The following PIGU variants were observed in gnomAD, a reference collection of about 807,000 sequenced individuals.
PIGU encodes the protein GPI-anchor transamidase component PIGU.
Under a neutral mutation model 49.9 loss-of-function variants are expected in PIGU, and 24 were observed. The observed-to-expected ratio is 0.48, with a 90% CI of 0.35 to 0.68. The LOEUF (loss-of-function observed/expected upper bound fraction) is 0.68, where lower values mean the gene tolerates loss of function less well. PIGU is among the 30% of genes least tolerant of loss of function. The probability of loss-of-function intolerance (pLI) is 0.01; values close to 1 mark genes in which losing one functional copy is unlikely to be tolerated. For synonymous variants in PIGU, 220 were observed against 205.7 expected (o/e 1.07, Z -0.59); for missense variants, 490 against 532.6 (o/e 0.92, Z 0.79).
chr20:34,560,725 T>G lies in PIGU; in HGVS notation c.*141A>C. ...TGCTGTCAGTCAGCCATGGGTCCCT[T>G]TTGGTACCAGAGACTTGTGACCCTG... On this transcript the variant is annotated 3_prime_UTR_variant, in exon 12 of 12. Coordinates refer to ENST00000217446, the MANE Select transcript of PIGU (RefSeq NM_080476.5). 1 of 578,134 alleles carries G rather than the reference T, an allele frequency of 1.7e-6. No homozygotes were observed. The highest frequency in any genetic ancestry group is 2.9e-6 in the Non-Finnish European group (1 of 346,480). 35.8% of individuals were successfully genotyped at this position (578,134 alleles called of 1,614,324 possible).
intron 1 of PIGU, among the ~76,000 whole-genome samples, chr20:34,661,412 G>A (rs373855557): frequency 6.6e-6 from 1 of 152,022 alleles, no homozygotes; most frequent in Admixed American, 6.6e-5. Flanking sequence ...CTTTCTTTGT[G>A]TCCATGTGTA....
intron 6 of PIGU, among the ~76,000 whole-genome samples, chr20:34,626,135 A>G (rs1330313547): frequency 6.6e-6 from 1 of 151,892 alleles, no homozygotes; most frequent in Non-Finnish European, 1.5e-5. Context: ...AGTGATTATA[A>G]ATAATTCTGC....
chr20:34,584,504 CTTTTTTTT>C (rs5841174), intron 9 of PIGU, among the ~76,000 whole-genome samples: 4 of 66,410 alleles, frequency 6.0e-5, no homozygotes, highest in East Asian at 8.2e-4. Flanking sequence ...AACTCCTGTT[CTTTTTTTT>C]TTTTTTTTTT....
Position 34,575,128 on chromosome 20 carries a change from G to A in PIGU, c.1170C>T (p.Ile390=). 1 of 1,614,194 alleles carries A rather than the reference G, an allele frequency of 6.2e-7. No individual in the cohort carries two copies. The highest frequency in any genetic ancestry group is 8.5e-7 in the Non-Finnish European group (1 of 1,180,032). ...CCTGCCCAACGTTGAAGGTCAGTGT[G>A]ATGGCATAAAAGAAATTAGAGTTGG... ...GSANSNFFYA[I]TLTFNVGQIL... is the part of the protein sequence containing the mutation. The change falls in exon 11 of 12, where the codon ATC becomes ATT. Residue 390 remains isoleucine, a synonymous_variant. Transcript: ENST00000217446.
intron 7 of PIGU, among the ~76,000 whole-genome samples, chr20:34,601,366 T>C (rs1393091537): frequency 1.3e-5 from 2 of 152,200 alleles, no homozygotes; most frequent in African/African-American, 2.4e-5. Context: ...TTATAAAAAC[T>C]GAACTTGCAC....
At chr20:34,561,893 C>G (rs1422039560) in intron 11 of PIGU, among the ~76,000 whole-genome samples, 1 of 152,122 alleles carries the variant, frequency 6.6e-6, no homozygotes, top group Non-Finnish European at 1.5e-5. Flanking sequence ...AATCTCTACT[C>G]GATAACAGAC....
At chr20:34,602,846 C>T (rs1297047229) in intron 7 of PIGU, among the ~76,000 whole-genome samples, 2 of 152,054 alleles carry the variant, frequency 1.3e-5, no homozygotes, top group Non-Finnish European at 2.9e-5. Flanking sequence ...AACCACAATC[C>T]CCTCCTCCCT....
chr20:34,575,305 C>A, intron 10 of PIGU, 59 bp from the exon 11 acceptor site: 1 of 1,572,316 alleles, frequency 6.4e-7, no homozygotes. Context: ...GCTTTCCCTG[C>A]TGCAATGGCC....
chr20:34,642,654 T>TAC (rs1055579679), intron 4 of PIGU, among the ~76,000 whole-genome samples: 21 of 44,494 alleles, frequency 4.7e-4, no homozygotes, highest in African/African-American at 2.4e-3. Context: ...ATATATCTCA[T>TAC]ATATATATAT....
intron 7 of PIGU, among the ~76,000 whole-genome samples, chr20:34,607,783 G>A (rs1238440706): frequency 6.6e-6 from 1 of 152,074 alleles, no homozygotes; most frequent in African/African-American, 2.4e-5. Context: ...GCACAGAGTT[G>A]TGCACAGAGT....
intron 7 of PIGU, among the ~76,000 whole-genome samples, chr20:34,592,700 T>C (rs185701312): frequency 6.6e-6 from 1 of 152,166 alleles, no homozygotes; most frequent in East Asian, 1.9e-4. Flanking sequence ...CCAAATCCTA[T>C]AAAGGTCACA....
chr20:34,644,183 T>C lies in PIGU; in HGVS notation c.299A>G (p.Gln100Arg), dbSNP rs980837129. 4 of 1,611,068 alleles carry C rather than the reference T, an allele frequency of 2.5e-6. No homozygotes were observed. Among genetic ancestry groups the C allele is most frequent in the Non-Finnish European group, 3.4e-6 (4 of 1,177,454 alleles). The change falls in exon 4 of 12, where the codon CAG (glutamine) becomes CGG (arginine). Residue 100 changes from glutamine (Q) to arginine (R), a missense_variant. Gln to Arg is a conservative substitution (Grantham distance 43). Coordinates refer to ENST00000217446, the MANE Select transcript of PIGU (RefSeq NM_080476.5). ...ACTTACCACAACTTTATTGAAGTCC[T>C]GGATTGCAAAATACAGGGCAATAGC... The part of the protein sequence containing the change: ...LTAIALYFAI[Q>R]DFNKVVFKKQ...
chr20:34,615,937 C>T, intron 7 of PIGU, 105 bp downstream of exon 7: 2 of 1,433,198 alleles, frequency 1.4e-6, no homozygotes, highest in Admixed American at 3.1e-5. Flanking sequence ...TGGGAGCAAG[C>T]TTCCCACTGC....
intron 7 of PIGU, among the ~76,000 whole-genome samples, chr20:34,589,365 C>T (rs1011012059): frequency 1.3e-5 from 2 of 152,144 alleles, no homozygotes; most frequent in African/African-American, 4.8e-5. Context: ...ATCTGCTTTC[C>T]TTTGTTTGAG....
chr20:34,672,851 T>C (rs1248869708), intron 1 of PIGU, among the ~76,000 whole-genome samples: 6 of 111,818 alleles, frequency 5.4e-5, no homozygotes, highest in Admixed American at 4.1e-4. Context: ...TGGGACCCTG[T>C]CTCTCAAAAA....
chr20:34,612,129 T>G (rs1200527131), intron 7 of PIGU, among the ~76,000 whole-genome samples: 1 of 152,088 alleles, frequency 6.6e-6, no homozygotes, highest in Admixed American at 6.6e-5. Flanking sequence ...GCAATGAGAC[T>G]GGATAAAGAA....
At chr20:34,613,237 C>T (rs948037894) in intron 7 of PIGU, among the ~76,000 whole-genome samples, 1 of 152,130 alleles carries the variant, frequency 6.6e-6, no homozygotes, top group Non-Finnish European at 1.5e-5. Flanking sequence ...TCAGCTCTTC[C>T]TACTCCCATC....
At position 34,637,953 on chromosome 20, in the gene PIGU, G is replaced by A; in HGVS notation, c.351C>T (p.Asp117=). 6.3e-7 allele frequency: 1 copy of A among 1,595,594 alleles called. No individual in the cohort carries two copies. The highest frequency in any genetic ancestry group is 1.2e-5 in the South Asian group (1 of 86,930). Residue 117 remains aspartate (D), a synonymous_variant, in exon 5 of 12, where the codon GAC becomes GAT. Coordinates refer to ENST00000217446, the MANE Select transcript of PIGU (RefSeq NM_080476.5). Reference sequence around the variant, plus strand: ...GTTCGGCCACATCTGGGGCATACTGGTCCAGTTCTAGGAGGAGTTTCTGCT... The same window carrying A: ...GTTCGGCCACATCTGGGGCATACTGATCCAGTTCTAGGAGGAGTTTCTGCT... ...FKKQKLLLEL[D]QYAPDVAELI...
At chr20:34,603,861 G>GAA (rs1555798269) in intron 7 of PIGU, among the ~76,000 whole-genome samples, 1 of 143,806 alleles carries the variant, frequency 7.0e-6, no homozygotes, top group Non-Finnish European at 1.5e-5. Context: ...TTAGTGGACA[G>GAA]ACACACACAC....
Sources: allele counts gnomAD v4.1 joint callset (sites outside exome capture counted in the v4.1 genomes callset), GRCh38; gene constraint gnomAD v4.1.1; transcripts MANE v1.5; gene names NCBI Gene and HGNC (gene_info 2026-07-23, HGNC 2026-07-21).